The following GALM variants were observed in gnomAD, a reference collection of about 807,000 sequenced individuals.
GALM encodes the protein galactose mutarotase.
Under a neutral mutation model 37.4 loss-of-function variants are expected in GALM, and 43 were observed. The observed-to-expected ratio is 1.15, with a 90% CI of 0.90 to 1.48. The LOEUF (loss-of-function observed/expected upper bound fraction) is 1.48, where lower values mean the gene tolerates loss of function less well. Ranked by LOEUF, GALM falls within the 40% of genes most tolerant of loss-of-function variation. GALM has a pLI of 0.00. For synonymous variants in GALM, 199 were observed against 170.6 expected (o/e 1.17, Z -1.30); for missense variants, 456 against 419.1 (o/e 1.09, Z -0.77).
chr2:38,713,777 C>T (rs1666216442), intron 4 of GALM, among the ~76,000 whole-genome samples: 1 of 152,034 alleles, frequency 6.6e-6, no homozygotes, highest in Non-Finnish European at 1.5e-5. Context: ...TGGTGGCACA[C>T]ACCTGTAGTC....
At chr2:38,683,708 A>G (rs1216058081) in intron 3 of GALM, among the ~76,000 whole-genome samples, 2 of 152,026 alleles carry the variant, frequency 1.3e-5, no homozygotes, top group Admixed American at 1.3e-4. Flanking sequence ...CTGGGATTAC[A>G]GGCGCCCACG....
intron 1 of GALM, chr2:38,668,662 C>G (rs552196336): frequency 1.3e-5 from 2 of 152,160 alleles, no homozygotes; most frequent in Admixed American, 1.3e-4. Flanking sequence ...CAGAGGCCGG[C>G]ATGGTGGCTC....
chr2:38,667,321 T>A (rs975728479), intron 1 of GALM, among the ~76,000 whole-genome samples: 4 of 152,130 alleles, frequency 2.6e-5, no homozygotes. Flanking sequence ...GTTTGGTTCT[T>A]CCGATACGTA....
At chr2:38,705,129 G>C (rs1349696981) in intron 4 of GALM, among the ~76,000 whole-genome samples, 1 of 152,182 alleles carries the variant, frequency 6.6e-6, no homozygotes, top group Non-Finnish European at 1.5e-5. Flanking sequence ...ATTTGCTAGA[G>C]CTCTGACCAC....
intron 5 of GALM, among the ~76,000 whole-genome samples, chr2:38,731,108 T>C (rs1339334655): frequency 6.6e-6 from 1 of 151,920 alleles, no homozygotes; most frequent in Non-Finnish European, 1.5e-5. Flanking sequence ...GTACCTGTAA[T>C]CCCAGCTACT....
At chr2:38,704,384 T>C (rs1424716643) in intron 4 of GALM, among the ~76,000 whole-genome samples, 1 of 151,978 alleles carries the variant, frequency 6.6e-6, no homozygotes, top group African/African-American at 2.4e-5. Flanking sequence ...AATATTTTTT[T>C]TGAGGCTGGG....
At chr2:38,719,693 C>T (rs562082866) in intron 4 of GALM, among the ~76,000 whole-genome samples, 4 of 146,670 alleles carry the variant, frequency 2.7e-5, no homozygotes, top group African/African-American at 1.0e-4. Context: ...AGAATCGCTT[C>T]AACCCCGAAG....
intron 4 of GALM, among the ~76,000 whole-genome samples, chr2:38,697,628 C>A (rs1665838094): frequency 6.6e-6 from 1 of 152,154 alleles, no homozygotes; most frequent in Non-Finnish European, 1.5e-5. Flanking sequence ...TTTTATTTTG[C>A]AGTAACTGTT....
intron 3 of GALM, among the ~76,000 whole-genome samples, chr2:38,684,518 A>G (rs1665476741): frequency 6.6e-6 from 1 of 152,002 alleles, no homozygotes; most frequent in Admixed American, 6.6e-5. Flanking sequence ...CTAAAAACAA[A>G]CAAACAGGCT....
At position 38,734,671 on chromosome 2, in the gene GALM, G is replaced by A. The variant is rs939777534; in HGVS notation, c.*1106G>A. On this transcript the variant is annotated 3_prime_UTR_variant, in exon 7 of 7. Transcript: ENST00000272252. Reference sequence around the variant, plus strand: ...CTAGACAATCAAAGTATCAGTGATGGGTTTTGGTTGGTGATTTTGAAAAAA... The same window carrying A: ...CTAGACAATCAAAGTATCAGTGATGAGTTTTGGTTGGTGATTTTGAAAAAA... 2 of 132,112 alleles carry A rather than the reference G, an allele frequency of 1.5e-5. No homozygotes were observed. The highest frequency in any genetic ancestry group is 2.7e-4 in the South Asian group (1 of 3,712). The allele number at this position is 132,112 out of a possible 1,614,324, so 8.2% of individuals were successfully genotyped here.
intron 3 of GALM, chr2:38,682,342 C>T (rs1665417934): frequency 2.4e-6 from 1 of 420,964 alleles, no homozygotes; most frequent in Admixed American, 2.5e-5. Context: ...ATCTGAAGAA[C>T]TCATCATTGT....
intron 4 of GALM, among the ~76,000 whole-genome samples, chr2:38,724,955 T>G (rs1281402992): frequency 6.6e-6 from 1 of 152,218 alleles, no homozygotes; most frequent in Non-Finnish European, 1.5e-5. Flanking sequence ...CTGTCTTTCC[T>G]TCACAAAAAT....
At chr2:38,678,600 G>T (rs1282250808) in intron 2 of GALM, among the ~76,000 whole-genome samples, 1 of 152,006 alleles carries the variant, frequency 6.6e-6, no homozygotes. Context: ...CATATAACAG[G>T]CTTCATATTT....
At position 38,675,954 on chromosome 2, in the gene GALM, G is replaced by A. The variant is rs1665249049; in HGVS notation, c.233G>A (p.Arg78Lys). Residue 78 changes from arginine to lysine, a missense_variant, in exon 2 of 7, where the codon AGG becomes AAG. Transcript: ENST00000272252. ...CCATACTTTGGAGCAGTTATTGGGA[G>A]GGTGGCCAACCGAATCGCCAAAGGA... ...KQPYFGAVIGRVANRIAKGTF... is the reference protein window; with the variant it reads ...KQPYFGAVIGKVANRIAKGTF... 1 of 1,614,132 alleles carries A rather than the reference G, an allele frequency of 6.2e-7. No homozygotes were observed. The highest frequency in any genetic ancestry group is 8.5e-7 in the Non-Finnish European group (1 of 1,180,006).
intron 4 of GALM, among the ~76,000 whole-genome samples, chr2:38,716,453 G>A (rs758247673): frequency 6.6e-6 from 1 of 152,210 alleles, no homozygotes; most frequent in Non-Finnish European, 1.5e-5. Flanking sequence ...GGTGCAACTT[G>A]TTTTGTGATG....
chr2:38,694,409 CCTT>C (rs2148438631), intron 4 of GALM, among the ~76,000 whole-genome samples: 1 of 152,200 alleles, frequency 6.6e-6, no homozygotes, highest in East Asian at 1.9e-4. Context: ...ACTGTCTCCT[CCTT>C]GTTCCTTCCT....
rs1363001766 is a variant in GALM at position 38,685,861 on chromosome 2, G to A, written c.553-3952G>A. The stretch of plus-strand genomic sequence containing the variant: ...GCCTCTGGAGTAGCTGGGATTACAG[G>A]CACGTGCCCCTGGCTAATTTTTTGT... On this transcript the variant is annotated intron_variant, in intron 3 of 6. Coordinates refer to ENST00000272252, the MANE Select transcript of GALM (RefSeq NM_138801.3). Among the ~76,000 whole-genome samples the A allele has an allele frequency of 2.0e-5, 3 of 152,108 alleles. No homozygotes were observed. The South Asian group carries it at 6.2e-4, about 32-fold the overall frequency.
At position 38,721,348 on chromosome 2, in the gene GALM, C is replaced by G. The variant is rs186153030; in HGVS notation, c.635-8208C>G. 2.2e-3 allele frequency among the ~76,000 whole-genome samples: 339 copies of G among 152,248 alleles called. 1 individual carries two copies. The highest frequency in any genetic ancestry group is 7.6e-3 in the African/African-American group (317 of 41,546). ...TGATCAGATCTACTTCATCTTCTTG[C>G]AAAAATGAGGCAGTTGTAGTGGCTA... On this transcript the variant is annotated intron_variant, in intron 4 of 6. Transcript: ENST00000272252.
intron 4 of GALM, among the ~76,000 whole-genome samples, chr2:38,706,554 C>CCTGTAGTCTCAGCTACT (rs1434036885): frequency 6.6e-6 from 1 of 150,588 alleles, no homozygotes; most frequent in African/African-American, 2.4e-5. Flanking sequence ...GTGGCCCACA[C>CCTGTAGTCTCAGCTACT]CTGTAGTCTC....
Sources: gnomAD v4.1 joint callset for allele counts (sites outside exome capture counted in the v4.1 genomes callset) on GRCh38, gnomAD v4.1.1 for gene constraint, MANE v1.5 for transcripts, NCBI Gene and HGNC (gene_info 2026-07-23, HGNC 2026-07-21) for gene names.